The following VPS37A variants were observed in gnomAD, a reference collection of about 807,000 sequenced individuals.
VPS37A encodes the protein vacuolar protein sorting-associated protein 37A.
In VPS37A, 30 loss-of-function variants were observed where a neutral mutation model predicts 49.8. The ratio of observed to expected loss-of-function variants is 0.60; its 90% CI spans 0.45 to 0.82. VPS37A has a LOEUF of 0.82. Ranked by LOEUF, VPS37A falls within the 40% of genes least tolerant of loss-of-function variation. VPS37A has a pLI of 0.00. For synonymous variants in VPS37A, 195 were observed against 160.6 expected (o/e 1.21, Z -1.62); for missense variants, 593 against 464.4 (o/e 1.28, Z -2.55).
At chr8:17,326,860 T>C in the VPS37A span, among the ~76,000 whole-genome samples, 1 of 152,196 alleles carries the variant, frequency 6.6e-6, no homozygotes, top group Non-Finnish European at 1.5e-5. Flanking sequence ...ACTCCTGCCC[T>C]ACAGAAACCA....
intron 1 of VPS37A, among the ~76,000 whole-genome samples, chr8:17,258,912 T>TAAAAA (rs1812728582): frequency 6.6e-6 from 1 of 152,082 alleles, no homozygotes; most frequent in African/African-American, 2.4e-5. Flanking sequence ...TTCATAGTGG[T>TAAAAA]GCCTAATGAT....
downstream of VPS37A, among the ~76,000 whole-genome samples, chr8:17,306,669 G>A (rs998736870): frequency 7.9e-5 from 12 of 152,198 alleles, no homozygotes; most frequent in African/African-American, 2.4e-4. Context: ...TAACAATATA[G>A]AACCCCGTGT....
At chr8:17,269,086 C>G in intron 4 of VPS37A, 130 bp downstream of exon 4, 1 of 627,694 alleles carries the variant, frequency 1.6e-6, no homozygotes, top group Non-Finnish European at 2.6e-6. Context: ...TACATCCATA[C>G]TTTCAGAGGC....
chr8:17,271,082 T>G (rs1303257546), intron 4 of VPS37A, among the ~76,000 whole-genome samples: 1 of 152,160 alleles, frequency 6.6e-6, no homozygotes, highest in African/African-American at 2.4e-5. Flanking sequence ...GGCACATTGT[T>G]TTTTTTATTA....
chr8:17,302,204 C>T (rs776791101), downstream of VPS37A: 21 of 1,614,022 alleles, frequency 1.3e-5, no homozygotes, highest in East Asian at 4.2e-4. Flanking sequence ...TCTTCCTTCA[C>T]TGCCATTAGG....
chr8:17,288,285 A>G (rs1815805236), intron 11 of VPS37A, among the ~76,000 whole-genome samples: 1 of 152,130 alleles, frequency 6.6e-6, no homozygotes, highest in South Asian at 2.1e-4. Flanking sequence ...GGTTTTTTAC[A>G]TAGGTATACA....
rs1811397561 is a variant in VPS37A at position 17,247,578 on chromosome 8, T to C, written c.125+209T>C. The C allele has an allele frequency of 6.7e-6, 5 of 743,124 alleles. No individual in the cohort carries two copies. The Admixed American group carries it at 1.0e-4, about 15-fold the overall frequency. 46.0% of individuals were successfully genotyped at this position (743,124 alleles called of 1,614,324 possible). A position where few individuals can be genotyped will look rare whatever the true frequency, so the allele number is the denominator to read the frequency against. On this transcript the variant is annotated intron_variant, in intron 1 of 11. Coordinates refer to ENST00000324849, the MANE Select transcript of VPS37A (RefSeq NM_152415.3). ...TCCCTGCCTCCTGCCGCACCACTGC[T>C]CAGCGCTTCTAACTCGGATTTCCTC...
chr8:17,288,889 C>T (rs185402990), intron 11 of VPS37A, among the ~76,000 whole-genome samples: 1 of 151,932 alleles, frequency 6.6e-6, no homozygotes, highest in Admixed American at 6.6e-5. Flanking sequence ...CTGTTGTTTC[C>T]TAACTTTTTA....
At chr8:17,265,791 C>T (rs752736410) in intron 1 of VPS37A, 116 bp from the exon 2 acceptor site, 35 of 1,561,526 alleles carry the variant, frequency 2.2e-5, no homozygotes, top group Non-Finnish European at 3.0e-5. Context: ...TGCTGGCTAT[C>T]CAGATTCTGT....
Position 17,274,801 on chromosome 8 carries a change from C to T in VPS37A, c.485C>T (p.Pro162Leu). The T allele has an allele frequency of 6.2e-7, 1 of 1,614,132 alleles. No homozygotes were observed. The highest frequency in any genetic ancestry group is 8.5e-7 in the Non-Finnish European group (1 of 1,180,016). ...GGTTTTCCATTTCTTCCTCCATATCCTCCACAAGAAGCAAACAGGAGTATC... is the reference window on the plus strand; with the variant it reads ...GGTTTTCCATTTCTTCCTCCATATCTTCCACAAGAAGCAAACAGGAGTATC... The part of the protein sequence containing the change: ...SQGFPFLPPY[P>L]PQEANRSITS... The change falls in exon 5 of 12, where the codon CCT becomes CTT. Residue 162 changes from proline to leucine, a missense_variant. Transcript: ENST00000324849.
At chr8:17,265,232 A>G (rs764355148) in intron 1 of VPS37A, among the ~76,000 whole-genome samples, 6 of 152,204 alleles carry the variant, frequency 3.9e-5, no homozygotes, top group Non-Finnish European at 8.8e-5. Context: ...CAGGAAGGGC[A>G]AAATGGGCTC....
At chr8:17,318,610 A>G in the VPS37A span, among the ~76,000 whole-genome samples, 5 of 152,254 alleles carry the variant, frequency 3.3e-5, no homozygotes, top group African/African-American at 1.2e-4. Context: ...GTCCTACCGC[A>G]TCATGTCAGC....
At chr8:17,290,347 T>A (rs1816021886) in intron 11 of VPS37A, among the ~76,000 whole-genome samples, 1 of 152,218 alleles carries the variant, frequency 6.6e-6, no homozygotes, top group African/African-American at 2.4e-5. Flanking sequence ...TATTTTCAGA[T>A]ACATTCCATC....
At chr8:17,312,468 G>A in the VPS37A span, among the ~76,000 whole-genome samples, 2 of 151,058 alleles carry the variant, frequency 1.3e-5, no homozygotes, top group Admixed American at 1.3e-4. Context: ...CCAGCTACTT[G>A]GGAGGCTGAG....
At chr8:17,307,160 C>G (rs1330621161), downstream of VPS37A, among the ~76,000 whole-genome samples, 1 of 151,986 alleles carries the variant, frequency 6.6e-6, no homozygotes, top group Admixed American at 6.6e-5. Flanking sequence ...GGCTAAAATC[C>G]AGAATCTAAA....
chr8:17,293,558 G>T (rs1266241186), intron 11 of VPS37A, among the ~76,000 whole-genome samples: 2 of 152,056 alleles, frequency 1.3e-5, no homozygotes, highest in Non-Finnish European at 2.9e-5. Flanking sequence ...TGAATTTTCA[G>T]CCTTTTTGCA....
At chr8:17,299,465 T>C (rs1816954137), downstream of VPS37A, 2 of 166,256 alleles carry the variant, frequency 1.2e-5, no homozygotes, top group Admixed American at 1.1e-4. Flanking sequence ...ACACAAAATA[T>C]GCATCTAGAA....
the VPS37A span, chr8:17,311,609 G>A: frequency 1.2e-6 from 2 of 1,614,060 alleles, no homozygotes; most frequent in Non-Finnish European, 1.7e-6. Context: ...CAGTGAACAA[G>A]CACACTTGCC....
At position 17,296,879 on chromosome 8, in the gene VPS37A, C is replaced by CCAGT. The variant is rs1256727199; in HGVS notation, c.*1896_*1899dup. The CCAGT allele has an allele frequency of 1.3e-5, 2 of 152,036 alleles. No individual in the cohort carries two copies. The allele number at this position is 152,036 out of a possible 1,614,324, so 9.4% of individuals were successfully genotyped here. A position where few individuals can be genotyped will look rare whatever the true frequency, so the allele number is the denominator to read the frequency against. The stretch of plus-strand genomic sequence containing the variant: ...ATTCATTGGATAACCTTGTTACAAC[C>CCAGT]CAGTCATGAAACAGAGCAGTGTGAT... On this transcript the variant is annotated 3_prime_UTR_variant, in exon 12 of 12. Transcript: ENST00000324849.
Sources: gnomAD v4.1 joint callset for allele counts (sites outside exome capture counted in the v4.1 genomes callset) on GRCh38, gnomAD v4.1.1 for gene constraint, MANE v1.5 for transcripts, NCBI Gene and HGNC (gene_info 2026-07-23, HGNC 2026-07-21) for gene names.